Variants in ZNF608 observed in about 807,000 individuals in gnomAD.
ZNF608 encodes zinc finger protein 608.
A neutral mutation model predicts 109.0 loss-of-function variants in ZNF608; 12 were observed. The ratio of observed to expected loss-of-function variants is 0.11; its 90% CI spans 0.07 to 0.18. The LOEUF (loss-of-function observed/expected upper bound fraction) is 0.18. Among genes scored for constraint, ZNF608 ranks in the 10% least tolerant of loss-of-function variants. ZNF608 has a pLI of 1.00. For missense variants in ZNF608, 1,707 were observed against 1,879.3 expected (o/e 0.91, Z 1.70); for synonymous variants, 732 against 717.4 (o/e 1.02, Z -0.33).
chr5:124,661,829 A>G lies in ZNF608; in HGVS notation c.1163-12132T>C, dbSNP rs528903199. Among the ~76,000 whole-genome samples the G allele has an allele frequency of 2.0e-4, 31 of 152,344 alleles. 1 individual carries two copies. The highest frequency in any genetic ancestry group is 7.5e-4 in the African/African-American group (31 of 41,586). Reference sequence around the variant, plus strand: ...TAACCTTTCTCTGCAAACAGGATGAAGTGTTCAAGGCATCTAACTGAAATC... The same window carrying G: ...TAACCTTTCTCTGCAAACAGGATGAGGTGTTCAAGGCATCTAACTGAAATC... On this transcript the variant is annotated intron_variant, in intron 3 of 9. Coordinates refer to ENST00000513986, the MANE Select transcript of ZNF608 (RefSeq NM_020747.3).
chr5:124,683,420 A>T (rs1402945452), intron 3 of ZNF608, among the ~76,000 whole-genome samples: 1 of 152,200 alleles, frequency 6.6e-6, no homozygotes, highest in East Asian at 1.9e-4. Flanking sequence ...GTGGTGGTAA[A>T]ATATATTTGT....
chr5:124,679,137 C>G (rs988664826), intron 3 of ZNF608, among the ~76,000 whole-genome samples: 2 of 152,174 alleles, frequency 1.3e-5, no homozygotes, highest in Non-Finnish European at 2.9e-5. Flanking sequence ...CTGTGCTCCT[C>G]GAAGATAACA....
At chr5:124,653,994 T>C (rs1251189583) in intron 3 of ZNF608, among the ~76,000 whole-genome samples, 1 of 152,156 alleles carries the variant, frequency 6.6e-6, no homozygotes, top group Admixed American at 6.5e-5. Flanking sequence ...CCCCCAGGAT[T>C]GCCTATTTTC....
At chr5:124,679,730 G>A (rs140008757) in intron 3 of ZNF608, among the ~76,000 whole-genome samples, 111 of 152,336 alleles carry the variant, frequency 7.3e-4, no homozygotes, top group African/African-American at 2.5e-3. Context: ...CTTTGGTTAA[G>A]ATAGCAGAGT....
Position 124,648,515 on chromosome 5 carries a change from C to A in ZNF608, c.1869G>T (p.Lys623Asn), listed in dbSNP as rs1440032537. Residue 623 changes from lysine to asparagine, a missense_variant, in exon 5 of 10, where the codon AAG becomes AAT. Lys to Asn is a moderately conservative substitution (Grantham distance 94). Around this residue, in one of 7 missense-constraint regions of ZNF608, gnomAD observed 1,073 missense variants for 1,133.5 expected, o/e 0.95. Transcript: ENST00000513986. ...STSVSAYDQL[K>N]APASPGAGNP... ...TTCCAGCACCAGGGGATGCCGGTGC[C>A]TTCAACTGGTCATAAGCAGATACAC... 6.2e-7 allele frequency: 1 copy of A among 1,614,194 alleles called. No individual in the cohort carries two copies. Among genetic ancestry groups the A allele is most frequent in the Non-Finnish European group, 8.5e-7 (1 of 1,180,022 alleles).
At chr5:124,718,477 A>T (rs1266365413) in intron 2 of ZNF608, among the ~76,000 whole-genome samples, 2 of 152,236 alleles carry the variant, frequency 1.3e-5, no homozygotes, top group Admixed American at 1.3e-4. Flanking sequence ...TAGCTGGTAG[A>T]TAACACTGCT....
chr5:124,683,974 A>G (rs1752304180), intron 3 of ZNF608, among the ~76,000 whole-genome samples: 1 of 152,218 alleles, frequency 6.6e-6, no homozygotes, highest in African/African-American at 2.4e-5. Flanking sequence ...GTATCAGAGC[A>G]TAAAATAAAT....
chr5:124,731,799 C>CTGGG (rs1748920946), intron 2 of ZNF608, among the ~76,000 whole-genome samples: 1 of 152,030 alleles, frequency 6.6e-6, no homozygotes, highest in Non-Finnish European at 1.5e-5. Flanking sequence ...GCACTCCAGC[C>CTGGG]TGGGCGACAA....
intron 2 of ZNF608, among the ~76,000 whole-genome samples, chr5:124,702,956 C>G (rs1321031727): frequency 6.6e-6 from 1 of 151,980 alleles, no homozygotes; most frequent in East Asian, 1.9e-4. Flanking sequence ...CAAAGGGGTT[C>G]TGAGAGAGGA....
chr5:124,637,984 CTT>C, intron 9 of ZNF608, 78 bp from the exon 10 acceptor site: 1 of 1,549,282 alleles, frequency 6.5e-7, no homozygotes, highest in Non-Finnish European at 8.9e-7. Flanking sequence ...GAGTTTTGCT[CTT>C]GTTGCCCAGG....
Position 124,713,585 on chromosome 5 carries a change from A to C in ZNF608, c.907-12316T>G, listed in dbSNP as rs577075905. ...GGATTTTAAATTTTGTCAATTAAAA[A>C]ATTCTGTGGAAATTTGTTTTCTCTC... is the stretch of plus-strand genomic sequence containing the variant. On this transcript the variant is annotated intron_variant, in intron 2 of 9. Coordinates refer to ENST00000513986, the MANE Select transcript of ZNF608 (RefSeq NM_020747.3). Among the ~76,000 whole-genome samples, 9 of 152,350 alleles carry C rather than the reference A, an allele frequency of 5.9e-5. No individual in the cohort carries two copies. The South Asian group carries it at 1.2e-3, about 21-fold the overall frequency.
At chr5:124,662,514 A>G (rs1751304303) in intron 3 of ZNF608, among the ~76,000 whole-genome samples, 2 of 152,268 alleles carry the variant, frequency 1.3e-5, no homozygotes, top group Non-Finnish European at 2.9e-5. Flanking sequence ...ATTAGGCCCA[A>G]GTCAACCTCC....
intron 3 of ZNF608, among the ~76,000 whole-genome samples, chr5:124,690,954 C>CACACACAAAA (rs10666145): frequency 3.5e-4 from 53 of 150,724 alleles, no homozygotes; most frequent in African/African-American, 1.2e-3. Context: ...CACACACACA[C>CACACACAAAA]ATAATGGAAA....
chr5:124,747,391 C>T (rs571018463), upstream of ZNF608, among the ~76,000 whole-genome samples: 6 of 151,686 alleles, frequency 4.0e-5, no homozygotes, highest in African/African-American at 1.4e-4. Flanking sequence ...AGTGGAGAGT[C>T]GCTTTGCTGG....
In ZNF608 at chr5:124,647,585, C is replaced by A. The variant is rs1372920088; in HGVS notation, c.2799G>T (p.Lys933Asn). 3.7e-6 allele frequency: 6 copies of A among 1,614,132 alleles called. No homozygotes were observed. The highest frequency in any genetic ancestry group is 2.7e-5 in the African/African-American group (2 of 74,948). Reference sequence around the variant, plus strand: ...TGTCTGAATAGGCCGGGCTGCTTGTCTTTGCAGCTGAACTCTCTGCCCCAT... The same window carrying A: ...TGTCTGAATAGGCCGGGCTGCTTGTATTTGCAGCTGAACTCTCTGCCCCAT... ...TQNGAESSAA[K>N]TSSPAYSDIS... Residue 933 changes from lysine (K) to asparagine (N), a missense_variant, in exon 5 of 10, where the codon AAG becomes AAT. By Grantham distance (94) the Lys-to-Asn change is moderately conservative (BLOSUM62 0). Around this residue, in one of 7 missense-constraint regions of ZNF608, gnomAD observed 1,073 missense variants for 1,133.5 expected, o/e 0.95. Coordinates refer to ENST00000513986, the MANE Select transcript of ZNF608 (RefSeq NM_020747.3).
At position 124,638,039 on chromosome 5, in the gene ZNF608, C is replaced by T. The variant is rs181600437; in HGVS notation, c.4533-133G>A. On this transcript the variant is annotated intron_variant, in intron 9 of 9. Transcript: ENST00000513986. ...AATCTCGGCTCACCGCAACCTCTGCCTCCTGGGTTCAAGTGATTCTCCTGC... is the reference window on the plus strand; with the variant it reads ...AATCTCGGCTCACCGCAACCTCTGCTTCCTGGGTTCAAGTGATTCTCCTGC... 3.0e-3 allele frequency: 2,581 copies of T among 867,208 alleles called. 80 individuals carry two copies. In the Admixed American group the frequency reaches 0.049, roughly 16 times the overall value. 53.7% of individuals were successfully genotyped at this position (867,208 alleles called of 1,614,324 possible). A position where few individuals can be genotyped will look rare whatever the true frequency, so the allele number is the denominator to read the frequency against.
In ZNF608 at chr5:124,701,196, G is replaced by A. The variant is rs1239578342; in HGVS notation, c.980C>T (p.Ser327Phe). The change falls in exon 3 of 10, where the codon TCC becomes TTC. Residue 327 changes from serine to phenylalanine, a missense_variant. Ser to Phe is a radical substitution (Grantham distance 155, BLOSUM62 -2). Coordinates refer to ENST00000513986, the MANE Select transcript of ZNF608 (RefSeq NM_020747.3). The stretch of plus-strand genomic sequence containing the variant: ...ATTGGATGAAGATGGGGAAAAGTAG[G>A]AGGGTAGAATCTGAGGCGTGAGACT... ...SSSLTPQILP[S>F]YFSPSSSNIA... The A allele has an allele frequency of 6.2e-7, 1 of 1,614,046 alleles. No homozygotes were observed. Among genetic ancestry groups the A allele is most frequent in the African/African-American group, 1.3e-5 (1 of 74,920 alleles).
intron 2 of ZNF608, among the ~76,000 whole-genome samples, chr5:124,723,584 A>T (rs1322258965): frequency 6.6e-6 from 1 of 152,110 alleles, no homozygotes; most frequent in Non-Finnish European, 1.5e-5. Flanking sequence ...GCCACTCGAG[A>T]GGCTGAGGCA....
At chr5:124,715,621 T>G (rs929426557) in intron 2 of ZNF608, among the ~76,000 whole-genome samples, 5 of 152,228 alleles carry the variant, frequency 3.3e-5, no homozygotes, top group African/African-American at 9.6e-5. Flanking sequence ...GCTTATTTTT[T>G]GCCATAATGG....
Sources: allele counts gnomAD v4.1 joint callset (sites outside exome capture counted in the v4.1 genomes callset), GRCh38; gene constraint gnomAD v4.1.1; regional missense constraint gnomAD v4.1.1; transcripts MANE v1.5; gene names NCBI Gene and HGNC (gene_info 2026-07-23, HGNC 2026-07-21).